The following BMAL1 variants were observed in gnomAD, a reference collection of about 807,000 sequenced individuals.
BMAL1 encodes basic helix-loop-helix ARNT-like protein 1.
chr11:13,284,122 G>GTGTGTGTATATATATATATA, the BMAL1 span, among the ~76,000 whole-genome samples: 1 of 81,462 alleles, frequency 1.2e-5, no homozygotes, highest in African/African-American at 4.8e-5. Context: ...ATATATATGT[G>GTGTGTGTATATATATATATA]TGTGTGTATA....
the BMAL1 span, among the ~76,000 whole-genome samples, chr11:13,331,683 G>A: frequency 6.6e-6 from 1 of 152,194 alleles, no homozygotes; most frequent in Admixed American, 6.5e-5. Context: ...CTGAGCCTCT[G>A]TATCTTTGAG....
At chr11:13,364,676 C>A in the BMAL1 span, among the ~76,000 whole-genome samples, 6 of 152,206 alleles carry the variant, frequency 3.9e-5, no homozygotes, top group African/African-American at 1.4e-4. Flanking sequence ...ACAGCCCAAG[C>A]TCTCAGGCAC....
At chr11:13,351,321 C>T in the BMAL1 span, among the ~76,000 whole-genome samples, 1 of 152,130 alleles carries the variant, frequency 6.6e-6, no homozygotes, top group Non-Finnish European at 1.5e-5. Flanking sequence ...AGGGTGGCTT[C>T]TAGGTTTGGG....
the BMAL1 span, among the ~76,000 whole-genome samples, chr11:13,306,315 C>T: frequency 6.6e-6 from 1 of 152,050 alleles, no homozygotes; most frequent in South Asian, 2.1e-4. Context: ...GGCAGGAGGT[C>T]CTGAAGTCCT....
chr11:13,330,023 A>C, the BMAL1 span, among the ~76,000 whole-genome samples: 2 of 152,228 alleles, frequency 1.3e-5, no homozygotes, highest in Non-Finnish European at 2.9e-5. Flanking sequence ...TCTTAAATGC[A>C]CACACGACTT....
chr11:13,340,445 T>A, the BMAL1 span, among the ~76,000 whole-genome samples: 14 of 152,360 alleles, frequency 9.2e-5, no homozygotes, highest in South Asian at 2.9e-3. Flanking sequence ...TTTCTCATTG[T>A]CCTAGTCCAA....
chr11:13,284,122 GTGTGTGTATATATA>G, the BMAL1 span, among the ~76,000 whole-genome samples: 1 of 81,462 alleles, frequency 1.2e-5, no homozygotes, highest in African/African-American at 4.8e-5. Context: ...ATATATATGT[GTGTGTGTATATATA>G]TATATATGTG....
chr11:13,385,728 C>T, the BMAL1 span: 1 of 1,613,688 alleles, frequency 6.2e-7, no homozygotes, highest in Non-Finnish European at 8.5e-7. Context: ...TTCCAGTGGC[C>T]TACTATCAGG....
chr11:13,366,632 T>A, the BMAL1 span: 10 of 1,558,080 alleles, frequency 6.4e-6, no homozygotes, highest in Admixed American at 1.7e-4. Context: ...TGCATGCAAT[T>A]GACTTGTCAT....
the BMAL1 span, among the ~76,000 whole-genome samples, chr11:13,308,867 A>G: frequency 7.2e-5 from 11 of 152,022 alleles, no homozygotes; most frequent in African/African-American, 2.7e-4. Context: ...ACCTTCATTC[A>G]TTTGTGTGTT....
chr11:13,383,995 TATG>T, the BMAL1 span, among the ~76,000 whole-genome samples: 4 of 152,208 alleles, frequency 2.6e-5, no homozygotes, highest in Non-Finnish European at 5.9e-5. Context: ...CATACCAAAG[TATG>T]ATGTTTGTCT....
the BMAL1 span, among the ~76,000 whole-genome samples, chr11:13,360,095 T>C: frequency 6.6e-6 from 1 of 152,236 alleles, no homozygotes; most frequent in South Asian, 2.1e-4. Flanking sequence ...TGGTTTTCCC[T>C]GTAATGAGAA....
At chr11:13,354,339 A>G in the BMAL1 span, 1 of 1,613,136 alleles carries the variant, frequency 6.2e-7, no homozygotes. Flanking sequence ...CATTTCTTCA[A>G]CCATCAGTGA....
At chr11:13,369,649 T>C in the BMAL1 span, 2 of 1,613,966 alleles carry the variant, frequency 1.2e-6, no homozygotes, top group African/African-American at 1.3e-5. Context: ...ATATAACCCC[T>C]GGGCCATCTC....
the BMAL1 span, among the ~76,000 whole-genome samples, chr11:13,328,463 G>A: frequency 6.6e-6 from 1 of 152,050 alleles, no homozygotes; most frequent in Non-Finnish European, 1.5e-5. Flanking sequence ...CCAGTGAACC[G>A]TGGAGCAAGC....
At chr11:13,340,059 G>T in the BMAL1 span, among the ~76,000 whole-genome samples, 7 of 152,176 alleles carry the variant, frequency 4.6e-5, no homozygotes, top group African/African-American at 1.7e-4. Flanking sequence ...GCTACTACAA[G>T]CAGTTTGTGG....
chr11:13,311,957 T>G, the BMAL1 span, among the ~76,000 whole-genome samples: 4 of 152,214 alleles, frequency 2.6e-5, no homozygotes, highest in African/African-American at 7.2e-5. Flanking sequence ...TATGGGGACT[T>G]GAGGATAATT....
At chr11:13,295,984 T>G in the BMAL1 span, among the ~76,000 whole-genome samples, 3 of 152,174 alleles carry the variant, frequency 2.0e-5, no homozygotes, top group Non-Finnish European at 4.4e-5. Flanking sequence ...GTGTTAGCCT[T>G]TCTGAAACTC....
chr11:13,292,285 C>T, the BMAL1 span, among the ~76,000 whole-genome samples: 1 of 152,100 alleles, frequency 6.6e-6, no homozygotes, highest in African/African-American at 2.4e-5. Flanking sequence ...TGGCTCACGC[C>T]TGTAATCCCA....
Sources: allele counts gnomAD v4.1 joint callset (sites outside exome capture counted in the v4.1 genomes callset), GRCh38; gene constraint gnomAD v4.1.1; transcripts MANE v1.5; gene names NCBI Gene and HGNC (gene_info 2026-07-23, HGNC 2026-07-21).